RPL26L1: variants seen among roughly 807,000 people sequenced by gnomAD.
The protein encoded by RPL26L1 is ribosomal protein L26 like 1.
A neutral mutation model predicts 15.2 loss-of-function variants in RPL26L1; 8 were observed. That is an observed-to-expected ratio of 0.53 (90% confidence interval 0.31 to 0.95). The LOEUF (loss-of-function observed/expected upper bound fraction) is 0.95. RPL26L1 is among the 40% of genes least tolerant of loss of function. The pLI is 0.05. For synonymous variants in RPL26L1, 51 were observed against 65.9 expected (o/e 0.77, Z 1.09); for missense variants, 146 against 190.9 (o/e 0.76, Z 1.39).
At chr5:172,959,721 C>A in intron 1 of RPL26L1, 144 bp from the exon 2 acceptor site, 1 of 1,123,360 alleles carries the variant, frequency 8.9e-7, no homozygotes, top group Non-Finnish European at 1.3e-6. Context: ...CTAGTCGCAT[C>A]TCTCTGTCCT....
At chr5:172,963,133 T>A (rs1755308602) in intron 2 of RPL26L1, among the ~76,000 whole-genome samples, 1 of 151,780 alleles carries the variant, frequency 6.6e-6, no homozygotes, top group Admixed American at 6.6e-5. Flanking sequence ...ATCCCGACAC[T>A]TTGGGAGGCT....
Position 172,967,816 on chromosome 5 carries a change from T to C in RPL26L1, c.169-643T>C, listed in dbSNP as rs527795603. On this transcript the variant is annotated intron_variant, in intron 2 of 3. Transcript: ENST00000265100. ...CATATATGTATATATGACATATAAG[T>C]ACATATATGTATGTATGACATATAT... is the stretch of plus-strand genomic sequence containing the variant. 2.7e-5 allele frequency among the ~76,000 whole-genome samples: 4 copies of C among 150,852 alleles called. No individual in the cohort carries two copies. In the South Asian group the frequency reaches 6.4e-4, roughly 24 times the overall value.
upstream of RPL26L1, chr5:172,959,132 G>A (rs1459215866): frequency 6.5e-6 from 1 of 152,852 alleles, no homozygotes; most frequent in African/African-American, 2.4e-5. Context: ...TGAGGCAGGA[G>A]AATGGCGTGA....
At chr5:172,959,683 A>C in intron 1 of RPL26L1, 182 bp from the exon 2 acceptor site, 1 of 1,068,246 alleles carries the variant, frequency 9.4e-7, no homozygotes, top group Non-Finnish European at 1.3e-6. Flanking sequence ...CGACCTCCAC[A>C]CACGCCTCAC....
rs1755614753 is a variant in RPL26L1 at position 172,969,663 on chromosome 5, A to G, written c.*122A>G. On this transcript the variant is annotated 3_prime_UTR_variant, in exon 4 of 4. Coordinates refer to ENST00000265100, the MANE Select transcript of RPL26L1 (RefSeq NM_016093.4). ...TGTTTTGTTACCTGTGCCTCTGTAA[A>G]TCTACTTTTGCAATTTTAAGTAATA... 6.8e-6 allele frequency: 7 copies of G among 1,033,360 alleles called. No individual in the cohort carries two copies. The highest frequency in any genetic ancestry group is 9.6e-6 in the Non-Finnish European group (7 of 727,594). 64.0% of individuals were successfully genotyped at this position (1,033,360 alleles called of 1,614,324 possible). A position where few individuals can be genotyped will look rare whatever the true frequency, so the allele number is the denominator to read the frequency against.
At position 172,969,464 on chromosome 5, in the gene RPL26L1, C is replaced by T. The variant is rs545379858; in HGVS notation, c.361C>T (p.Arg121Cys). The T allele has an allele frequency of 1.0e-4, 166 of 1,613,630 alleles. No homozygotes were observed. Among genetic ancestry groups the T allele is most frequent in the Admixed American group, 1.5e-4 (9 of 59,986 alleles). The change falls in exon 4 of 4, where the codon CGC becomes TGC. Residue 121 changes from arginine (R) to cysteine (C), a missense_variant. Physicochemically the swap from Arg to Cys is radical, Grantham distance 180 (BLOSUM62 -3). Transcript: ENST00000265100. Reference protein sequence around the residue: ...LDKDRKKILERKAKSRQVGKE... With the variant: ...LDKDRKKILECKAKSRQVGKE... ...CAAGGATCGGAAAAAAATTCTTGAA[C>T]GCAAAGCCAAGTCTCGACAAGTTGG...
chr5:172,968,654 A>G, intron 3 of RPL26L1, 55 bp downstream of exon 3: 1 of 1,609,560 alleles, frequency 6.2e-7, no homozygotes, highest in Non-Finnish European at 8.5e-7. Context: ...AATACTGTTC[A>G]AAGTTATTGG....
At chr5:172,955,108 CATAAATAGTAGCT>C (rs1764327387), upstream of RPL26L1, 1 of 398,144 alleles carries the variant, frequency 2.5e-6, no homozygotes. Context: ...CACTAGAGTT[CATAAATAGTAGCT>C]GTGGTTAGTT....
intron 2 of RPL26L1, 133 bp from the exon 3 acceptor site, chr5:172,968,326 A>G (rs1021702713): frequency 3.5e-6 from 4 of 1,151,356 alleles, no homozygotes; most frequent in Admixed American, 4.5e-5. Flanking sequence ...AAAAGTAGCT[A>G]ATTTTTGACT....
chr5:172,962,505 C>G (rs1230434340), intron 2 of RPL26L1, among the ~76,000 whole-genome samples: 2 of 149,638 alleles, frequency 1.3e-5, no homozygotes, highest in East Asian at 3.9e-4. Flanking sequence ...GAGACTCTGT[C>G]TCAAAAACAA....
upstream of RPL26L1, chr5:172,954,984 C>A (rs1476235234): frequency 2.2e-6 from 1 of 455,862 alleles, no homozygotes; most frequent in African/African-American, 2.0e-5. Flanking sequence ...GCGGAAGAGG[C>A]GTCTCTGGAG....
chr5:172,957,039 C>G, upstream of RPL26L1: 1 of 369,350 alleles, frequency 2.7e-6, no homozygotes, highest in Non-Finnish European at 5.3e-6. Flanking sequence ...GGCTGAATAT[C>G]TTCTCCAAAG....
At chr5:172,958,600 G>C, upstream of RPL26L1, 1 of 352,264 alleles carries the variant, frequency 2.8e-6, no homozygotes, top group South Asian at 2.0e-5. Flanking sequence ...GAGGGGGCGT[G>C]GTTGATCTCC....
chr5:172,960,257 G>A (rs1293294461), intron 2 of RPL26L1, among the ~76,000 whole-genome samples: 2 of 152,160 alleles, frequency 1.3e-5, no homozygotes, highest in African/African-American at 4.8e-5. Flanking sequence ...TAATAAAACA[G>A]TATGTCAACC....
At chr5:172,963,499 C>T (rs1755327740) in intron 2 of RPL26L1, among the ~76,000 whole-genome samples, 1 of 152,158 alleles carries the variant, frequency 6.6e-6, no homozygotes. Flanking sequence ...CACTGGGCTT[C>T]TGGGGTCTTT....
At position 172,968,472 on chromosome 5, in the gene RPL26L1, A is replaced by C. The variant is rs1292383421; in HGVS notation, c.182A>C (p.His61Pro). 1.9e-6 allele frequency: 3 copies of C among 1,613,946 alleles called. No individual in the cohort carries two copies. Among genetic ancestry groups the C allele is most frequent in the South Asian group, 1.1e-5 (1 of 91,084 alleles). ...KDDEVQVVRG[H>P]YKGQQIGKVV... ...ATTTTCTCTTAGGTAGTTCGAGGAC[A>C]CTACAAAGGTCAGCAAATTGGCAAG... is the stretch of plus-strand genomic sequence containing the variant. Residue 61 changes from histidine to proline, a missense_variant, in exon 3 of 4, where the codon CAC becomes CCC. By Grantham distance (77) the His-to-Pro change is moderately conservative. Coordinates refer to ENST00000265100, the MANE Select transcript of RPL26L1 (RefSeq NM_016093.4).
intron 2 of RPL26L1, among the ~76,000 whole-genome samples, chr5:172,966,097 T>G (rs1199658178): frequency 6.6e-6 from 1 of 152,124 alleles, no homozygotes; most frequent in Non-Finnish European, 1.5e-5. Context: ...CTTCACTATG[T>G]CCAGAGGTTG....
At chr5:172,965,472 C>A (rs1297795612) in intron 2 of RPL26L1, among the ~76,000 whole-genome samples, 1 of 152,190 alleles carries the variant, frequency 6.6e-6, no homozygotes, top group Non-Finnish European at 1.5e-5. Flanking sequence ...ACTGTCTTTT[C>A]TCACCTTCAC....
chr5:172,954,214 G>A (rs1056497376), upstream of RPL26L1, among the ~76,000 whole-genome samples: 1 of 152,132 alleles, frequency 6.6e-6, no homozygotes, highest in South Asian at 2.1e-4. Flanking sequence ...CTTGATTAAG[G>A]TGAGTTGTTA....
Sources: allele counts gnomAD v4.1 joint callset (sites outside exome capture counted in the v4.1 genomes callset), GRCh38; gene constraint gnomAD v4.1.1; transcripts MANE v1.5; gene names NCBI Gene and HGNC (gene_info 2026-07-23, HGNC 2026-07-21).